Variants in GABRG3 observed in about 807,000 individuals in gnomAD.
GABRG3 encodes gamma-aminobutyric acid type A receptor subunit gamma3, also known as gamma-aminobutyric acid receptor subunit gamma-3.
GABRG3 carries 25 observed loss-of-function variants against 48.8 expected under a neutral mutation model. The ratio of observed to expected loss-of-function variants is 0.51; its 90% CI spans 0.37 to 0.72. The LOEUF is 0.72. GABRG3 is among the 30% of genes least tolerant of loss of function. The pLI, the probability that GABRG3 is intolerant of heterozygous loss-of-function variation, is 0.00. For synonymous variants in GABRG3, 227 were observed against 217.6 expected (o/e 1.04, Z -0.38); for missense variants, 394 against 577.9 (o/e 0.68, Z 3.26).
intron 3 of GABRG3, among the ~76,000 whole-genome samples, chr15:27,256,231 A>G (rs1890608532): frequency 6.6e-6 from 1 of 151,998 alleles, no homozygotes; most frequent in African/African-American, 2.4e-5. Context: ...TCAGGAGGTC[A>G]GGAGATCAAG....
chr15:27,376,778 G>C (rs927673574), intron 5 of GABRG3, among the ~76,000 whole-genome samples: 1 of 152,262 alleles, frequency 6.6e-6, no homozygotes, highest in Non-Finnish European at 1.5e-5. Flanking sequence ...GGGAGGGGCT[G>C]TTTCAAAGGT....
chr15:27,346,747 C>G (rs1026809329), intron 5 of GABRG3, among the ~76,000 whole-genome samples: 52 of 152,222 alleles, frequency 3.4e-4, no homozygotes, highest in Admixed American at 1.2e-3. Context: ...CAAGGACATT[C>G]ATCATTTCCG....
chr15:27,374,455 T>C (rs1413997856), intron 5 of GABRG3, among the ~76,000 whole-genome samples: 1 of 152,182 alleles, frequency 6.6e-6, no homozygotes, highest in Non-Finnish European at 1.5e-5. Flanking sequence ...TATTTCCAAT[T>C]TGAAATTTAG....
At chr15:26,980,645 C>T (rs1330879514) in intron 2 of GABRG3, among the ~76,000 whole-genome samples, 2 of 148,970 alleles carry the variant, frequency 1.3e-5, no homozygotes, top group Non-Finnish European at 3.0e-5. Flanking sequence ...CGCCACTGCA[C>T]TCCAGCCTGG....
chr15:27,351,075 G>A (rs544456196), intron 5 of GABRG3, among the ~76,000 whole-genome samples: 9 of 149,692 alleles, frequency 6.0e-5, no homozygotes, highest in African/African-American at 1.7e-4. Context: ...TGTATGGTAT[G>A]TGTGTGTATA....
In GABRG3 at chr15:27,393,575, C is replaced by T. The variant is rs1484557803; in HGVS notation, c.574+64687C>T. On this transcript the variant is annotated intron_variant, in intron 5 of 9. Transcript: ENST00000615808. The stretch of plus-strand genomic sequence containing the variant: ...TTAATCAGTTACATCATGGATCATT[C>T]TAGCCTCCTCCCTTGTTTATCTGTA... Among the ~76,000 whole-genome samples, 6 of 152,238 alleles carry T rather than the reference C, an allele frequency of 3.9e-5. No individual in the cohort carries two copies. The East Asian group carries it at 5.8e-4, about 15-fold the overall frequency.
At chr15:27,078,949 A>C (rs1390815691) in intron 3 of GABRG3, among the ~76,000 whole-genome samples, 1 of 152,214 alleles carries the variant, frequency 6.6e-6, no homozygotes, top group Non-Finnish European at 1.5e-5. Flanking sequence ...CTCCTCTTAT[A>C]AGAAGAGAAG....
intron 3 of GABRG3, among the ~76,000 whole-genome samples, chr15:27,148,337 G>T (rs1206803595): frequency 6.6e-6 from 1 of 151,910 alleles, no homozygotes; most frequent in Non-Finnish European, 1.5e-5. Context: ...CATAAAAAAA[G>T]AGGTTTATTT....
intron 5 of GABRG3, among the ~76,000 whole-genome samples, chr15:27,360,878 A>G (rs977558054): frequency 1.3e-5 from 2 of 152,348 alleles, no homozygotes; most frequent in African/African-American, 4.8e-5. Flanking sequence ...CTGTCTGGCC[A>G]TGAGTGGGGG....
At chr15:27,181,103 G>A (rs1887915958) in intron 3 of GABRG3, among the ~76,000 whole-genome samples, 1 of 152,296 alleles carries the variant, frequency 6.6e-6, no homozygotes, top group East Asian at 1.9e-4. Context: ...CTCCCAGCAT[G>A]CAGGGCTGGA....
intron 5 of GABRG3, among the ~76,000 whole-genome samples, chr15:27,336,839 C>G (rs147993717): frequency 6.6e-6 from 1 of 152,270 alleles, no homozygotes; most frequent in East Asian, 1.9e-4. Flanking sequence ...ACAAGAAAAA[C>G]AAATTACTCA....
At chr15:27,033,908 T>G (rs1175420329) in intron 3 of GABRG3, among the ~76,000 whole-genome samples, 1 of 152,220 alleles carries the variant, frequency 6.6e-6, no homozygotes, top group African/African-American at 2.4e-5. Flanking sequence ...CAGTTTTATG[T>G]CATCCGTGAA....
chr15:27,015,101 G>A (rs917962998), intron 2 of GABRG3, among the ~76,000 whole-genome samples: 2 of 151,890 alleles, frequency 1.3e-5, no homozygotes, highest in Admixed American at 6.6e-5. Flanking sequence ...CTTTCTTTAG[G>A]TTCCCATTTG....
intron 2 of GABRG3, among the ~76,000 whole-genome samples, chr15:26,981,398 T>A (rs1030561424): frequency 6.6e-6 from 1 of 152,186 alleles, no homozygotes; most frequent in Non-Finnish European, 1.5e-5. Context: ...TTTAAATATG[T>A]TAATGTTTGA....
intron 3 of GABRG3, among the ~76,000 whole-genome samples, chr15:27,033,580 T>A (rs977045645): frequency 7.2e-5 from 11 of 152,186 alleles, no homozygotes; most frequent in Non-Finnish European, 1.3e-4. Flanking sequence ...TCAGGTTTTT[T>A]CTATAAAATA....
intron 3 of GABRG3, among the ~76,000 whole-genome samples, chr15:27,116,784 C>A (rs1346787995): frequency 6.6e-6 from 1 of 152,124 alleles, no homozygotes; most frequent in Non-Finnish European, 1.5e-5. Context: ...GGCCTTTTTG[C>A]CCTTCTACCT....
At chr15:27,052,630 G>A (rs980637960) in intron 3 of GABRG3, among the ~76,000 whole-genome samples, 2 of 152,130 alleles carry the variant, frequency 1.3e-5, no homozygotes, top group Non-Finnish European at 2.9e-5. Context: ...AGAAGATTCA[G>A]CAAATGGATC....
chr15:27,122,430 A>T (rs1461779384), intron 3 of GABRG3, among the ~76,000 whole-genome samples: 1 of 152,228 alleles, frequency 6.6e-6, no homozygotes, highest in Non-Finnish European at 1.5e-5. Flanking sequence ...AGAAACATGA[A>T]ATAACTTGTT....
chr15:27,448,290 T>A (rs1889003392), intron 5 of GABRG3, among the ~76,000 whole-genome samples: 1 of 152,110 alleles, frequency 6.6e-6, no homozygotes, highest in Non-Finnish European at 1.5e-5. Flanking sequence ...CCTTTCCCAA[T>A]GGACGTGGAG....
Sources: gnomAD v4.1 joint callset for allele counts (sites outside exome capture counted in the v4.1 genomes callset) on GRCh38, gnomAD v4.1.1 for gene constraint, MANE v1.5 for transcripts, NCBI Gene and HGNC (gene_info 2026-07-23, HGNC 2026-07-21) for gene names.